PLEC: variants seen among roughly 807,000 people sequenced by gnomAD.
The protein encoded by PLEC is plectin.
PLEC carries 216 observed loss-of-function variants against 392.8 expected under a neutral mutation model. The ratio of observed to expected loss-of-function variants is 0.55; its 90% confidence interval spans 0.49 to 0.62. PLEC has a LOEUF of 0.62. Among genes scored for constraint, PLEC ranks in the 20% least tolerant of loss-of-function variants. The pLI, the probability that PLEC is intolerant of heterozygous loss-of-function variation, is 0.00. For synonymous variants in PLEC, 3,621 were observed against 2,980.6 expected (o/e 1.21, Z -7.00); for missense variants, 6,863 against 6,563.4 (o/e 1.05, Z -1.58).
At position 143,921,820 on chromosome 8, in the gene PLEC, C is replaced by T. The variant is rs1554687262; in HGVS notation, c.8001G>A (p.Glu2667=). ...GGCCCTGCGCCAACCGCTGCAGCTC[C>T]TCCGCACTCAGGATGCCGGCCTCCT... The part of the protein sequence containing the change: ...RLQEAGILSA[E]ELQRLAQGHT... Residue 2667 remains glutamate, a synonymous_variant, in exon 32 of 32, where the codon GAG becomes GAA. Transcript: ENST00000345136. 2 of 1,608,292 alleles carry T rather than the reference C, an allele frequency of 1.2e-6. No individual in the cohort carries two copies. The highest frequency in any genetic ancestry group is 1.7e-6 in the Non-Finnish European group (2 of 1,179,786).
In PLEC at chr8:143,929,513, C is replaced by T. The variant is rs985031818; in HGVS notation, c.2982G>A (p.Leu994=). ...RCISELKDIR[L]QLEACETRTV... is the part of the protein sequence containing the mutation. ...TGCGCGTCTCACAGGCCTCCAGCTG[C>T]AGCCGGATGTCTTTGAGCTCGGAGA... is the stretch of plus-strand genomic sequence containing the variant. Residue 994 remains leucine (L), a synonymous_variant, in exon 24 of 32, where the codon CTG becomes CTA. Transcript: ENST00000345136. 45 of 1,612,298 alleles carry T rather than the reference C, an allele frequency of 2.8e-5. No homozygotes were observed. Among genetic ancestry groups the T allele is most frequent in the Non-Finnish European group, 3.6e-5 (42 of 1,179,900 alleles).
upstream of PLEC, chr8:143,943,779 C>T: frequency 6.2e-7 from 1 of 1,611,146 alleles, no homozygotes; most frequent in Non-Finnish European, 8.5e-7. Flanking sequence ...CGGGGCTTAC[C>T]TTGCTCGTCC....
At chr8:143,973,708 C>T (rs1406392387), upstream of PLEC, among the ~76,000 whole-genome samples, 8 of 151,142 alleles carry the variant, frequency 5.3e-5, no homozygotes, top group African/African-American at 1.9e-4. The surrounding 1 kb of genome is among the most constrained non-coding windows in gnomAD (Gnocchi z 5.6). Flanking sequence ...CCCGCACGCA[C>T]GCCCTTTCCC....
upstream of PLEC, chr8:143,939,650 C>A: frequency 7.0e-7 from 1 of 1,420,714 alleles, no homozygotes; most frequent in South Asian, 1.5e-5. Context: ...GCCGGCCCGC[C>A]CCCGAGGCCC....
In PLEC at chr8:143,918,979, G is replaced by T. The variant is rs1554676783; in HGVS notation, c.10842C>A (p.Thr3614=). 6.2e-7 allele frequency: 1 copy of T among 1,610,946 alleles called. No individual in the cohort carries two copies. The highest frequency in any genetic ancestry group is 2.2e-5 in the East Asian group (1 of 44,882). Residue 3614 remains threonine (T), a synonymous_variant, in exon 32 of 32, where the codon ACC becomes ACA. Coordinates refer to ENST00000345136, the MANE Select transcript of PLEC (RefSeq NM_201384.3). Reference sequence around the variant, plus strand: ...TGATGATGATGATCATGCGTTCCTTGGTCACCCGGCCGGCCTGGAAGTCAG... The same window carrying T: ...TGATGATGATGATCATGCGTTCCTTTGTCACCCGGCCGGCCTGGAAGTCAG... ...LMADFQAGRV[T]KERMIIIIIE... is the part of the protein sequence containing the mutation.
chr8:143,937,879 A>C, intron 3 of PLEC: 1 of 633,464 alleles, frequency 1.6e-6, no homozygotes, highest in Non-Finnish European at 2.9e-6. Flanking sequence ...GCATGAGGTT[A>C]CTGTGTCCCG....
At chr8:143,967,797 T>C (rs1161001174) in intron 1 of PLEC, among the ~76,000 whole-genome samples, 1 of 151,482 alleles carries the variant, frequency 6.6e-6, no homozygotes, top group Non-Finnish European at 1.5e-5. Context: ...AAGGTGCAAA[T>C]AGTCAACAAC....
chr8:143,972,325 T>C lies in PLEC; in HGVS notation c.70+1078A>G, dbSNP rs147631934. Among the ~76,000 whole-genome samples, 637 of 152,278 alleles carry C rather than the reference T, an allele frequency of 4.2e-3. 4 individuals are homozygous for C. Among genetic ancestry groups the C allele is most frequent in the Non-Finnish European group, 7.4e-3 (501 of 68,016 alleles). ...CCCAAGGGTGCAGGAGTGTCTCCCC[T>C]GGCCCGAATGAACTAGTCACACAGG... On this transcript the variant is annotated intron_variant, in intron 1 of 31. Coordinates refer to the PLEC transcript ENST00000356346.
Position 143,924,866 on chromosome 8 carries a change from TC to T in PLEC, c.5062del (p.Glu1688SerfsTer28), listed in dbSNP as rs1564050292. The stretch of plus-strand genomic sequence containing the variant: ...CTTCTCCAGCTCTTGTTCAGCCAGC[TC>T]CCGCTGCCGGACGGCCTGCTCCTCC... Reference protein sequence around the residue: ...KAEEQAVRQRELAEQELEKQR... With the variant: ...KAEEQAVRQRXLAEQELEKQR... On this transcript the variant is annotated frameshift_variant, in exon 31 of 32. Transcript: ENST00000345136. LOFTEE classifies it high-confidence loss of function. 6.3e-7 allele frequency: 1 copy of T among 1,587,714 alleles called. No homozygotes were observed. The highest frequency in any genetic ancestry group is 8.5e-7 in the Non-Finnish European group (1 of 1,174,672).
At chr8:143,956,092 T>C (rs1257902494), upstream of PLEC, among the ~76,000 whole-genome samples, 1 of 152,056 alleles carries the variant, frequency 6.6e-6, no homozygotes, top group Non-Finnish European at 1.5e-5. Flanking sequence ...GGACTACGGA[T>C]GTGTGCCACC....
chr8:143,944,206 C>T (rs539380098), upstream of PLEC, among the ~76,000 whole-genome samples: 4 of 152,252 alleles, frequency 2.6e-5, no homozygotes, highest in Admixed American at 2.6e-4. Flanking sequence ...CCCGCGGCCA[C>T]ACCCGCCGGG....
At position 143,918,050 on chromosome 8, in the gene PLEC, T is replaced by C; in HGVS notation, c.11771A>G (p.Asn3924Ser). ...GLTSIEEVTK[N>S]LQKFLEGTSC... is the part of the protein sequence containing the mutation. ...GGTGCCTTCCAGGAACTTCTGCAAG[T>C]TCTTGGTGACCTCCTCGATGGAGGT... Residue 3924 changes from asparagine to serine, a missense_variant, in exon 32 of 32, where the codon AAC becomes AGC. By Grantham distance (46) the Asn-to-Ser change is conservative (BLOSUM62 1). Transcript: ENST00000345136. 2.5e-6 allele frequency: 4 copies of C among 1,606,648 alleles called. No individual in the cohort carries two copies. Among genetic ancestry groups the C allele is most frequent in the Non-Finnish European group, 2.5e-6 (3 of 1,177,952 alleles).
rs1016236688 is a variant in PLEC, at chr8:143,934,441, G to A, written c.1046C>T (p.Ala349Val). The A allele has an allele frequency of 3.7e-5, 59 of 1,610,974 alleles. No homozygotes were observed. The highest frequency in any genetic ancestry group is 1.1e-4 in the African/African-American group (8 of 74,930). Residue 349 changes from alanine (A) to valine (V), a missense_variant, in exon 11 of 32, where the codon GCG (alanine) becomes GTG (valine). Ala to Val is a moderately conservative substitution (Grantham distance 64). Transcript: ENST00000345136. ...CACCTTGAGCTGGCCTGCTTGCACCGCTCCCTGTAGACAGGGGCCACACTC... is the reference window on the plus strand; with the variant it reads ...CACCTTGAGCTGGCCTGCTTGCACCACTCCCTGTAGACAGGGGCCACACTC... ...SKGIYQSLEG[A>V]VQAGQLKVPP...
upstream of PLEC, among the ~76,000 whole-genome samples, chr8:143,974,064 C>T (rs959734726): frequency 1.3e-5 from 2 of 152,260 alleles, no homozygotes; most frequent in African/African-American, 2.4e-5. This position sits in a 1 kb window ranked among gnomAD's most constrained non-coding sequence, Gnocchi z 5.9. Flanking sequence ...CCCCCGCTCT[C>T]CCCGCCTTCA....
At chr8:143,972,506 G>T (rs1168503209) in intron 1 of PLEC, among the ~76,000 whole-genome samples, 1 of 152,216 alleles carries the variant, frequency 6.6e-6, no homozygotes, top group Non-Finnish European at 1.5e-5. Flanking sequence ...GCACCACGGG[G>T]CCCCAGCAGG....
At position 143,921,846 on chromosome 8, in the gene PLEC, G is replaced by A; in HGVS notation, c.7975C>T (p.Gln2659Ter). ...TCCGCACTCAGGATGCCGGCCTCCTGCAGCCTCTGAGCTGACACCTTCCGC... is the reference window on the plus strand; with the variant it reads ...TCCGCACTCAGGATGCCGGCCTCCTACAGCCTCTGAGCTGACACCTTCCGC... ...LRRKVSAQRL[Q>*]EAGILSAEEL... The change falls in exon 32 of 32, where the codon CAG becomes TAG. Residue 2659 changes from glutamine to a stop codon, truncating the protein, a stop_gained. Transcript: ENST00000345136. LOFTEE classifies it low-confidence loss of function (END_TRUNC). The A allele has an allele frequency of 6.2e-7, 1 of 1,605,146 alleles. No individual in the cohort carries two copies. The highest frequency in any genetic ancestry group is 8.5e-7 in the Non-Finnish European group (1 of 1,179,732).
Position 143,920,499 on chromosome 8 carries a change from G to A in PLEC, c.9322C>T (p.Pro3108Ser). The change falls in exon 32 of 32, where the codon CCC (proline) becomes TCC (serine). Residue 3108 changes from proline (P) to serine (S), a missense_variant. By Grantham distance (74) the Pro-to-Ser change is moderately conservative. Coordinates refer to ENST00000345136, the MANE Select transcript of PLEC (RefSeq NM_201384.3). ...AEKAVTGYRD[P>S]YTGQSVSLFQ... ...AGGGAGACGCTCTGCCCTGTGTAGG[G>A]GTCCCTGTACCCTGTCACAGCCTTC... 1.9e-6 allele frequency: 3 copies of A among 1,609,794 alleles called. No individual in the cohort carries two copies. The highest frequency in any genetic ancestry group is 1.3e-5 in the African/African-American group (1 of 75,012).
Position 143,917,716 on chromosome 8 carries a change from C to T in PLEC, c.12105G>A (p.Leu4035=), listed in dbSNP as rs1357337437. Residue 4035 remains leucine, a synonymous_variant, in exon 32 of 32, where the codon CTG becomes CTA. Coordinates refer to ENST00000345136, the MANE Select transcript of PLEC (RefSeq NM_201384.3). ...CCAGCAGGCGGATGCCATGGTCCTT[C>T]AGGATCAGGCCCTTCTTCATGGCCT... ...LFQAMKKGLI[L]KDHGIRLLEA... 6.2e-7 allele frequency: 1 copy of T among 1,613,464 alleles called. No homozygotes were observed. The highest frequency in any genetic ancestry group is 1.3e-5 in the African/African-American group (1 of 74,914).
chr8:143,931,550 A>T lies in PLEC; in HGVS notation c.2288T>A (p.Leu763Gln). ...CTCCCTCACCTGGGCATCCTGCAGC[A>T]GGTCCTCCAGCCGGGTGACGGTGGC... ...RSATVTRLED[L>Q]LQDAQDEKEQ... Residue 763 changes from leucine (L) to glutamine (Q), a missense_variant, in exon 19 of 32, where the codon CTG (leucine) becomes CAG (glutamine). Physicochemically the swap from Leu to Gln is moderately radical, Grantham distance 113. Coordinates refer to ENST00000345136, the MANE Select transcript of PLEC (RefSeq NM_201384.3). The T allele has an allele frequency of 6.3e-7, 1 of 1,592,884 alleles. No individual in the cohort carries two copies. Among genetic ancestry groups the T allele is most frequent in the Admixed American group, 1.7e-5 (1 of 57,214 alleles).
Sources: gnomAD v4.1 joint callset for allele counts (sites outside exome capture counted in the v4.1 genomes callset) on GRCh38, gnomAD v4.1.1 for gene constraint, Gnocchi (gnomAD v3.1) non-coding constraint, MANE v1.5 for transcripts, NCBI Gene and HGNC (gene_info 2026-07-23, HGNC 2026-07-21) for gene names.